The following TAOK1 variants were observed in gnomAD, a reference collection of about 807,000 sequenced individuals.
TAOK1 encodes serine/threonine-protein kinase TAO1.
TAOK1 carries 21 observed loss-of-function variants against 138.3 expected under a neutral mutation model. The observed-to-expected ratio is 0.15, with a 90% CI of 0.11 to 0.22. The LOEUF is 0.22. TAOK1 is among the 10% of genes least tolerant of loss of function. The pLI is 1.00. For missense variants in TAOK1, 651 were observed against 1,227.7 expected, an observed-to-expected ratio of 0.53 and a Z score of 7.02; for synonymous variants, 361 against 398.4, an observed-to-expected ratio of 0.91 and a Z score of 1.12.
intron 1 of TAOK1, among the ~76,000 whole-genome samples, chr17:29,400,684 T>C (rs758491432): frequency 6.6e-6 from 1 of 152,140 alleles, no homozygotes; most frequent in African/African-American, 2.4e-5. Flanking sequence ...TTCCACCTTC[T>C]GAATAGTTTT....
chr17:29,397,807 G>T (rs1442861870), intron 1 of TAOK1, among the ~76,000 whole-genome samples: 1 of 148,988 alleles, frequency 6.7e-6, no homozygotes, highest in South Asian at 2.1e-4. Context: ...ATTCATGTAT[G>T]TATATATGTA....
At chr17:29,476,661 C>G (rs2030948123) in intron 4 of TAOK1, among the ~76,000 whole-genome samples, 1 of 152,092 alleles carries the variant, frequency 6.6e-6, no homozygotes. Flanking sequence ...CACCCACCCC[C>G]AGGATACCAA....
intron 1 of TAOK1, among the ~76,000 whole-genome samples, chr17:29,391,562 C>A (rs1319696327): frequency 1.3e-5 from 2 of 152,224 alleles, no homozygotes; most frequent in African/African-American, 4.8e-5. Context: ...GCAGTTTCTT[C>A]ATACACAGAC....
In TAOK1 at chr17:29,547,815, G is replaced by A. The variant is rs1188733368; in HGVS notation, c.*4793G>A. 6.6e-6 allele frequency: 1 copy of A among 152,086 alleles called. No individual in the cohort carries two copies. Among genetic ancestry groups the A allele is most frequent in the Admixed American group, 6.6e-5 (1 of 15,260 alleles). 9.4% of individuals were successfully genotyped at this position (152,086 alleles called of 1,614,324 possible). On this transcript the variant is annotated 3_prime_UTR_variant, in exon 20 of 20. Transcript: ENST00000261716. ...AGACTCACTCACTCTTAGTTTTTAA[G>A]AACTGGAAATTTCCCATCCTCAGAT... is the stretch of plus-strand genomic sequence containing the variant.
chr17:29,514,723 G>A (rs529039370), intron 15 of TAOK1: 1 of 152,054 alleles, frequency 6.6e-6, no homozygotes, highest in South Asian at 2.1e-4. Flanking sequence ...CAGAGTGGTG[G>A]GTGGCACATG....
intron 13 of TAOK1, among the ~76,000 whole-genome samples, chr17:29,503,395 CAAAAAAAAAAA>C (rs5819870): frequency 8.2e-5 from 7 of 84,994 alleles, no homozygotes; most frequent in Non-Finnish European, 1.6e-4. Flanking sequence ...GACTCTGTCT[CAAAAAAAAAAA>C]AAAAAAAAAA....
At chr17:29,530,988 G>GTTTTTTTTTTTT in intron 18 of TAOK1, among the ~76,000 whole-genome samples, 1 of 11,214 alleles carries the variant, frequency 8.9e-5, no homozygotes, top group African/African-American at 5.6e-4. Context: ...TTGAGACGGA[G>GTTTTTTTTTTTT]TCTCACTCTG....
Position 29,526,819 on chromosome 17 carries a change from T to TAAAAAAAA in TAOK1, c.2149-3567_2149-3560dup, listed in dbSNP as rs71138830. Among the ~76,000 whole-genome samples the TAAAAAAAA allele has an allele frequency of 7.9e-3, 401 of 50,928 alleles. 46 individuals carry two copies. The highest frequency in any genetic ancestry group is 0.011 in the Non-Finnish European group (331 of 28,784). 33.4% of individuals were successfully genotyped at this position (50,928 alleles called of 152,430 possible). A position where few individuals can be genotyped will look rare whatever the true frequency, so the allele number is the denominator to read the frequency against. On this transcript the variant is annotated intron_variant, in intron 17 of 19. Coordinates refer to ENST00000261716, the MANE Select transcript of TAOK1 (RefSeq NM_020791.4). ...GGCAGCATAGGGAGATCTCATCTCTTAAAAAAAAAAAAAAAAAAAAAAAAA... is the reference window on the plus strand; with the variant it reads ...GGCAGCATAGGGAGATCTCATCTCTTAAAAAAAAAAAAAAAAAAAAAAAAAAAAAAAAA...
At chr17:29,437,473 C>T (rs1278627649) in intron 1 of TAOK1, among the ~76,000 whole-genome samples, 2 of 152,218 alleles carry the variant, frequency 1.3e-5, no homozygotes, top group East Asian at 3.9e-4. Context: ...GTTGGGATTA[C>T]AGGCCTGAGC....
intron 11 of TAOK1, among the ~76,000 whole-genome samples, chr17:29,498,093 CAGTT>C (rs539360860): frequency 5.5e-4 from 84 of 152,218 alleles, no homozygotes; most frequent in Non-Finnish European, 9.4e-4. Flanking sequence ...TTGTTTTAGA[CAGTT>C]GGTTGAATTT....
intron 1 of TAOK1, among the ~76,000 whole-genome samples, chr17:29,410,595 C>A (rs1598468795): frequency 1.4e-5 from 2 of 147,222 alleles, no homozygotes; most frequent in African/African-American, 5.0e-5. Flanking sequence ...TATTGTGTTA[C>A]ATATGTGTTA....
Position 29,545,470 on chromosome 17 carries a change from T to C in TAOK1, c.*2448T>C, listed in dbSNP as rs2032388170. On this transcript the variant is annotated 3_prime_UTR_variant, in exon 20 of 20. Transcript: ENST00000261716. ...TACATTTTAAAGTCCAATTGTGGACTTAAATTAGTCAAATTGAGAGTTACT... is the reference window on the plus strand; with the variant it reads ...TACATTTTAAAGTCCAATTGTGGACCTAAATTAGTCAAATTGAGAGTTACT... 2 of 152,208 alleles carry C rather than the reference T, an allele frequency of 1.3e-5. No individual in the cohort carries two copies. The highest frequency in any genetic ancestry group is 1.3e-4 in the Admixed American group (2 of 15,268). The allele number at this position is 152,208 out of a possible 1,614,324, so 9.4% of individuals were successfully genotyped here. A position where few individuals can be genotyped will look rare whatever the true frequency, so the allele number is the denominator to read the frequency against.
intron 6 of TAOK1, among the ~76,000 whole-genome samples, chr17:29,479,888 C>T (rs2031025039): frequency 1.3e-5 from 2 of 151,796 alleles, no homozygotes; most frequent in African/African-American, 2.4e-5. Flanking sequence ...ACTATGCTGA[C>T]GTTTGGAAAT....
chr17:29,497,714 CA>C lies in TAOK1; in HGVS notation c.1000-588del, dbSNP rs373537264. On this transcript the variant is annotated intron_variant, in intron 11 of 19. Transcript: ENST00000261716. ...AGTTCCCCAAAAACCTATTGAAATACAAAAAAAAAAAAAAAAGAAAGACAAG... is the reference window on the plus strand; with the variant it reads ...AGTTCCCCAAAAACCTATTGAAATACAAAAAAAAAAAAAAAGAAAGACAAG... 1.7e-3 allele frequency among the ~76,000 whole-genome samples: 172 copies of C among 100,688 alleles called. 3 individuals are homozygous for C. The highest frequency in any genetic ancestry group is 0.015 in the East Asian group (36 of 2,446). The allele number at this position is 100,688 out of a possible 152,430, so 66.1% of individuals were successfully genotyped here. A position where few individuals can be genotyped will look rare whatever the true frequency, so the allele number is the denominator to read the frequency against.
At chr17:29,495,876 TA>T (rs897378202) in intron 11 of TAOK1, 149 bp downstream of exon 11, 127 of 673,332 alleles carry the variant, frequency 1.9e-4, no homozygotes, top group Non-Finnish European at 2.4e-4. Flanking sequence ...CAGTTAGGAA[TA>T]AAAAAAGGTC....
chr17:29,403,130 C>T (rs1904896720), intron 1 of TAOK1, among the ~76,000 whole-genome samples: 1 of 134,474 alleles, frequency 7.4e-6, no homozygotes, highest in African/African-American at 2.8e-5. Context: ...CATTGCACTC[C>T]AGCCTGGGTG....
At chr17:29,511,710 T>G (rs1049198840) in intron 15 of TAOK1, 22 of 151,988 alleles carry the variant, frequency 1.4e-4, no homozygotes, top group African/African-American at 4.8e-4. Context: ...TCCTGGCTGA[T>G]TTTTAAATTT....
At chr17:29,468,376 A>G (rs985426615) in intron 3 of TAOK1, among the ~76,000 whole-genome samples, 5 of 151,686 alleles carry the variant, frequency 3.3e-5, no homozygotes, top group African/African-American at 9.7e-5. Flanking sequence ...ACCTCAGGCA[A>G]TCTGCCTGCC....
intron 1 of TAOK1, among the ~76,000 whole-genome samples, chr17:29,438,411 G>A (rs1035864677): frequency 6.6e-6 from 1 of 152,168 alleles, no homozygotes; most frequent in African/African-American, 2.4e-5. Context: ...CTGGCTGGAT[G>A]CAGTGGCTCA....
Sources: gnomAD v4.1 joint callset for allele counts (sites outside exome capture counted in the v4.1 genomes callset) on GRCh38, gnomAD v4.1.1 for gene constraint, MANE v1.5 for transcripts, NCBI Gene and HGNC (gene_info 2026-07-23, HGNC 2026-07-21) for gene names.